Variants in MED1 observed in about 807,000 individuals in gnomAD.
MED1 encodes the protein mediator complex subunit 1.
In MED1, 17 loss-of-function variants were observed where a neutral mutation model predicts 121.3. That is an observed-to-expected ratio of 0.14 (90% CI 0.10 to 0.21). The LOEUF (loss-of-function observed/expected upper bound fraction) is 0.21. Ranked by LOEUF, MED1 falls within the 10% of genes least tolerant of loss-of-function variation. The probability of loss-of-function intolerance (pLI) is 1.00; values close to 1 mark genes in which losing one functional copy is unlikely to be tolerated. For missense variants in MED1, 1,558 were observed against 1,919.4 expected (o/e 0.81, Z 3.52); for synonymous variants, 661 against 694.4 (o/e 0.95, Z 0.76).
Position 39,409,757 on chromosome 17 carries a change from C to T in MED1, c.2464G>A (p.Asp822Asn). Residue 822 changes from aspartate to asparagine, a missense_variant, in exon 17 of 17, where the codon GAC (aspartate) becomes AAC (asparagine). Asp to Asn is a conservative substitution (Grantham distance 23). Around this residue, in one of 5 missense-constraint regions of MED1, gnomAD observed 793 missense variants for 898.2 expected, o/e 0.88. Coordinates refer to ENST00000300651, the MANE Select transcript of MED1 (RefSeq NM_004774.4). Reference protein sequence around the residue: ...SSGHSQSTLFDSDVFQTNNNE... With the variant: ...SSGHSQSTLFNSDVFQTNNNE... ...TTGTTAGTTTGAAAGACATCAGAGTCAAACAGGGTACTCTGAGAATGCCCA... is the reference window on the plus strand; with the variant it reads ...TTGTTAGTTTGAAAGACATCAGAGTTAAACAGGGTACTCTGAGAATGCCCA... The T allele has an allele frequency of 6.2e-7, 1 of 1,614,102 alleles. No homozygotes were observed. Among genetic ancestry groups the T allele is most frequent in the Non-Finnish European group, 8.5e-7 (1 of 1,179,990 alleles).
At position 39,451,139 on chromosome 17, in the gene MED1, C is replaced by G; in HGVS notation, c.-77G>C. 1 of 1,559,310 alleles carries G rather than the reference C, an allele frequency of 6.4e-7. No homozygotes were observed. The highest frequency in any genetic ancestry group is 8.8e-7 in the Non-Finnish European group (1 of 1,137,882). ...ACCACTAACGGAGGAAACAAGTTGG[C>G]TCGGGATCCCGGGACGCAGGGCACC... On this transcript the variant is annotated 5_prime_UTR_variant, in exon 1 of 17. Coordinates refer to ENST00000300651, the MANE Select transcript of MED1 (RefSeq NM_004774.4).
At position 39,406,094 on chromosome 17, in the gene MED1, A is replaced by C. The variant is rs952168241; in HGVS notation, c.*1381T>G. ...TGTTGCACTCGAAACAGTCTCCTGG[A>C]TTTCTATATTTTTATGTGAAGGGCT... On this transcript the variant is annotated 3_prime_UTR_variant, in exon 17 of 17. Transcript: ENST00000300651. The C allele has an allele frequency of 1.0e-6, 1 of 985,278 alleles. No individual in the cohort carries two copies. 61.0% of individuals were successfully genotyped at this position (985,278 alleles called of 1,614,324 possible).
Position 39,405,688 on chromosome 17 carries a change from T to C in MED1, c.*1787A>G. On this transcript the variant is annotated 3_prime_UTR_variant, in exon 17 of 17. Transcript: ENST00000300651. ...TTGCTCCACTTTACAATGTTTTGTT[T>C]CCTACATCTTATTACCTTGGGACAC... 1 of 1,004,912 alleles carries C rather than the reference T, an allele frequency of 1.0e-6. No individual in the cohort carries two copies. The highest frequency in any genetic ancestry group is 1.2e-6 in the Non-Finnish European group (1 of 842,158). 62.2% of individuals were successfully genotyped at this position (1,004,912 alleles called of 1,614,324 possible).
rs1356716301 is a variant in MED1 at position 39,408,688 on chromosome 17, G to A, written c.3533C>T (p.Pro1178Leu). The A allele has an allele frequency of 6.2e-7, 1 of 1,614,196 alleles. No homozygotes were observed. Among genetic ancestry groups the A allele is most frequent in the South Asian group, 1.1e-5 (1 of 91,086 alleles). Residue 1178 changes from proline to leucine, a missense_variant, in exon 17 of 17, where the codon CCA becomes CTA. Pro to Leu is a moderately conservative substitution (Grantham distance 98). Transcript: ENST00000300651. The surrounding 1 kb of genome is among the most constrained non-coding windows in gnomAD (Gnocchi z 4.7). ...SSTKMKPQGK[P>L]SSLMNPSLSK... ...TAAAGAAGGATTCATAAGTGATGATGGCTTTCCTTGAGGTTTCATCTTGGT... is the reference window on the plus strand; with the variant it reads ...TAAAGAAGGATTCATAAGTGATGATAGCTTTCCTTGAGGTTTCATCTTGGT...
At chr17:39,424,281 C>T (rs1026525944) in intron 11 of MED1, among the ~76,000 whole-genome samples, 3 of 152,194 alleles carry the variant, frequency 2.0e-5, no homozygotes, top group Non-Finnish European at 2.9e-5. Context: ...AATTCCCAGA[C>T]ATGCTATTGG....
At chr17:39,426,788 C>G (rs934091093) in intron 10 of MED1, among the ~76,000 whole-genome samples, 3 of 152,148 alleles carry the variant, frequency 2.0e-5, no homozygotes, top group Non-Finnish European at 4.4e-5. Flanking sequence ...CCCACCTCAG[C>G]CTCCCAAAGT....
In MED1 at chr17:39,424,655, T is replaced by C; in HGVS notation, c.823A>G (p.Met275Val). ...TTATTGTCAACTGGATGTGACCCCA[T>C]AATTAATGGTGCAATTGGGAGTTTG... ...VYKLPIAPLIMGSHPVDNKWT... is the reference protein window; with the variant it reads ...VYKLPIAPLIVGSHPVDNKWT... The change falls in exon 11 of 17, where the codon ATG becomes GTG. Residue 275 changes from methionine (M) to valine (V), a missense_variant. Transcript: ENST00000300651. 6.2e-7 allele frequency: 1 copy of C among 1,602,444 alleles called. No individual in the cohort carries two copies. The highest frequency in any genetic ancestry group is 8.5e-7 in the Non-Finnish European group (1 of 1,172,722).
Position 39,440,590 on chromosome 17 carries a change from T to C in MED1, c.266+33A>G. On this transcript the variant is annotated intron_variant, in intron 4 of 16. Transcript: ENST00000300651. This position sits in a 1 kb window ranked among gnomAD's most constrained non-coding sequence, Gnocchi z 4.1. ...AAAGCCACCCAAAGTTAACACTAAG[T>C]TAAACATTTCTGCCTACAGAAAGAC... is the stretch of plus-strand genomic sequence containing the variant. The C allele has an allele frequency of 6.2e-7, 1 of 1,612,528 alleles. No individual in the cohort carries two copies. Among genetic ancestry groups the C allele is most frequent in the Non-Finnish European group, 8.5e-7 (1 of 1,179,000 alleles).
intron 6 of MED1, among the ~76,000 whole-genome samples, chr17:39,437,801 G>C (rs944037826): frequency 1.3e-5 from 2 of 151,932 alleles, no homozygotes; most frequent in Admixed American, 1.3e-4. Context: ...GGGCGTGGTA[G>C]CACATGCCTG....
intron 7 of MED1, among the ~76,000 whole-genome samples, chr17:39,433,872 A>G (rs2048594053): frequency 6.6e-6 from 1 of 152,140 alleles, no homozygotes; most frequent in Non-Finnish European, 1.5e-5. Flanking sequence ...CTACTATTAA[A>G]GCCTATTTTT....
rs756298014 is a variant in MED1, at chr17:39,407,009, C to G, written c.*466G>C. 1.2e-5 allele frequency: 12 copies of G among 987,028 alleles called. No homozygotes were observed. The highest frequency in any genetic ancestry group is 1.4e-5 in the Non-Finnish European group (12 of 830,722). 61.1% of individuals were successfully genotyped at this position (987,028 alleles called of 1,614,324 possible). ...GCCCATGACTCAAACGGACAACTAC[C>G]TCAAACAAAGTTGAACAACCTTCAT... On this transcript the variant is annotated 3_prime_UTR_variant, in exon 17 of 17. Coordinates refer to ENST00000300651, the MANE Select transcript of MED1 (RefSeq NM_004774.4).
intron 14 of MED1, among the ~76,000 whole-genome samples, chr17:39,417,148 G>A (rs1406099133): frequency 6.6e-6 from 1 of 152,018 alleles, no homozygotes; most frequent in Non-Finnish European, 1.5e-5. Flanking sequence ...TGGCCAACTC[G>A]ACGAAACCCC....
At chr17:39,432,270 G>C (rs551844087) in intron 7 of MED1, among the ~76,000 whole-genome samples, 3 of 149,698 alleles carry the variant, frequency 2.0e-5, no homozygotes, top group East Asian at 2.0e-4. Context: ...TTGAACCCGA[G>C]AGGAAGAGGT....
In MED1 at chr17:39,443,281, C is replaced by T. The variant is rs185147948; in HGVS notation, c.211+269G>A. ...TCCCAAAGTGCTGGGATTACAGGAG[C>T]GAGCCACCGCACCCAGCCTCCCCAG... On this transcript the variant is annotated intron_variant, in intron 3 of 16. Transcript: ENST00000300651. Among the ~76,000 whole-genome samples, 14 of 151,736 alleles carry T rather than the reference C, an allele frequency of 9.2e-5. No individual in the cohort carries two copies. The East Asian group carries it at 2.7e-3, about 29-fold the overall frequency.
chr17:39,410,165 T>C lies in MED1; in HGVS notation c.2056A>G (p.Lys686Glu). The change falls in exon 17 of 17, where the codon AAG becomes GAG. Residue 686 changes from lysine to glutamate, a missense_variant. Physicochemically the swap from Lys to Glu is moderately conservative, Grantham distance 56. Coordinates refer to ENST00000300651, the MANE Select transcript of MED1 (RefSeq NM_004774.4). ...PRMEICSGSN[K>E]TKKKKSSRLP... ...CTTGATGACTTCTTTTTCTTGGTCT[T>C]GTTGCTCCCCGAGCATATTTCCATG... is the stretch of plus-strand genomic sequence containing the variant. The C allele has an allele frequency of 6.2e-7, 1 of 1,614,166 alleles. No individual in the cohort carries two copies. Among genetic ancestry groups the C allele is most frequent in the African/African-American group, 1.3e-5 (1 of 75,024 alleles).
intron 13 of MED1, 134 bp from the exon 14 acceptor site, chr17:39,420,052 TATAA>T (rs1393133462): frequency 4.4e-6 from 3 of 675,326 alleles, no homozygotes; most frequent in Non-Finnish European, 7.5e-6. Flanking sequence ...CAGCTGATAT[TATAA>T]ATGTCAATCA....
Position 39,410,082 on chromosome 17 carries a change from A to G in MED1, c.2139T>C (p.Phe713=). 1.9e-6 allele frequency: 3 copies of G among 1,614,036 alleles called. No homozygotes were observed. Among genetic ancestry groups the G allele is most frequent in the Non-Finnish European group, 2.5e-6 (3 of 1,180,012 alleles). Residue 713 remains phenylalanine, a synonymous_variant, in exon 17 of 17, where the codon TTT becomes TTC. Transcript: ENST00000300651. The stretch of plus-strand genomic sequence containing the variant: ...GGTTCTGTGAGTCAACATCCATTGA[A>G]AATAGCTCCCTCTGAAAGTCATCTT... ...QTEDDFQREL[F]SMDVDSQNPI... is the part of the protein sequence containing the mutation.
Position 39,407,588 on chromosome 17 carries a change from A to G in MED1, c.4633T>C (p.Ser1545Pro). Residue 1545 changes from serine (S) to proline (P), a missense_variant, in exon 17 of 17, where the codon TCT (serine) becomes CCT (proline). Physicochemically the swap from Ser to Pro is moderately conservative, Grantham distance 74. Coordinates refer to ENST00000300651, the MANE Select transcript of MED1 (RefSeq NM_004774.4). The part of the protein sequence containing the change: ...KSPISSDQSL[S>P]MTSNTILSAD... Reference sequence around the variant, plus strand: ...GATAAGATTGTGTTACTTGTCATAGACAAGGACTGGTCTGAAGAGATGGGT... The same window carrying G: ...GATAAGATTGTGTTACTTGTCATAGGCAAGGACTGGTCTGAAGAGATGGGT... 1 of 1,614,108 alleles carries G rather than the reference A, an allele frequency of 6.2e-7. No individual in the cohort carries two copies. Among genetic ancestry groups the G allele is most frequent in the Non-Finnish European group, 8.5e-7 (1 of 1,180,010 alleles).
intron 16 of MED1, among the ~76,000 whole-genome samples, chr17:39,412,867 C>T (rs1338756945): frequency 1.3e-5 from 2 of 151,904 alleles, no homozygotes; most frequent in Non-Finnish European, 2.9e-5. Flanking sequence ...TATAGTAATC[C>T]GTTAGGCTTT....
Sources: allele counts gnomAD v4.1 joint callset (sites outside exome capture counted in the v4.1 genomes callset), GRCh38; gene constraint gnomAD v4.1.1; regional missense constraint gnomAD v4.1.1; non-coding constraint Gnocchi (gnomAD v3.1); transcripts MANE v1.5; gene names NCBI Gene and HGNC (gene_info 2026-07-23, HGNC 2026-07-21).